Variants in ADAMTSL3 observed in about 807,000 individuals in gnomAD.
ADAMTSL3 encodes the protein ADAMTS-like protein 3.
In ADAMTSL3, 128 loss-of-function variants were observed where a neutral mutation model predicts 201.7. That is an observed-to-expected ratio of 0.63 (90% CI 0.55 to 0.73). The LOEUF is 0.73. Among genes scored for constraint, ADAMTSL3 ranks in the 30% least tolerant of loss-of-function variants. ADAMTSL3 has a pLI of 0.00. For missense variants in ADAMTSL3, 1,990 were observed against 2,119.6 expected (o/e 0.94, Z 1.20); for synonymous variants, 738 against 748.4 (o/e 0.99, Z 0.23).
intron 6 of ADAMTSL3, among the ~76,000 whole-genome samples, chr15:83,822,261 G>T (rs2063890524): frequency 1.4e-5 from 2 of 141,022 alleles, no homozygotes; most frequent in South Asian, 2.4e-4. Context: ...GGGCGGAGGG[G>T]CTCCTCACTT....
chr15:83,685,362 G>A (rs1410139759), intron 2 of ADAMTSL3, among the ~76,000 whole-genome samples: 3 of 152,108 alleles, frequency 2.0e-5, no homozygotes, highest in African/African-American at 7.2e-5. Flanking sequence ...CTCTTGGACA[G>A]CAGGGCTTTT....
At chr15:83,691,570 G>C (rs2061608290) in intron 2 of ADAMTSL3, among the ~76,000 whole-genome samples, 3 of 152,144 alleles carry the variant, frequency 2.0e-5, no homozygotes, top group African/African-American at 7.2e-5. Flanking sequence ...CTACTAATGA[G>C]TCCAATGTTT....
chr15:83,665,522 C>T (rs904402723), intron 2 of ADAMTSL3, among the ~76,000 whole-genome samples: 24 of 152,166 alleles, frequency 1.6e-4, no homozygotes, highest in Non-Finnish European at 8.8e-5. Context: ...GAGGAAAAAA[C>T]CAATTACATG....
At chr15:83,876,952 C>T (rs780745870) in intron 9 of ADAMTSL3, among the ~76,000 whole-genome samples, 23 of 152,130 alleles carry the variant, frequency 1.5e-4, no homozygotes, top group Non-Finnish European at 2.8e-4. Flanking sequence ...GCCACCACAC[C>T]CAGCAAGTTT....
At chr15:83,860,676 G>C (rs1340742437) in intron 8 of ADAMTSL3, among the ~76,000 whole-genome samples, 1 of 152,148 alleles carries the variant, frequency 6.6e-6, no homozygotes, top group Non-Finnish European at 1.5e-5. Context: ...ATAAGTAAAG[G>C]TGAGGGAGGT....
At chr15:83,759,392 A>AT (rs1596154009) in intron 3 of ADAMTSL3, among the ~76,000 whole-genome samples, 1 of 151,856 alleles carries the variant, frequency 6.6e-6, no homozygotes, top group South Asian at 2.1e-4. Flanking sequence ...TGCCCAGCTA[A>AT]TTTTTTGTAT....
At chr15:83,664,548 C>G (rs1003399256) in intron 2 of ADAMTSL3, among the ~76,000 whole-genome samples, 1 of 152,244 alleles carries the variant, frequency 6.6e-6, no homozygotes, top group African/African-American at 2.4e-5. Flanking sequence ...TGTACCTGCC[C>G]TGTACCCATT....
rs767890313 is a variant in ADAMTSL3 at position 83,982,607 on chromosome 15, C to G, written c.2979C>G (p.Leu993=). 6.1e-5 allele frequency: 98 copies of G among 1,614,062 alleles called. No individual in the cohort carries two copies. Among genetic ancestry groups the G allele is most frequent in the Non-Finnish European group, 7.8e-5 (92 of 1,180,052 alleles). ...IAGSAQETVV[L]KLIGTDNRLI... The stretch of plus-strand genomic sequence containing the variant: ...GCTCTGCACAGGAAACAGTTGTGCT[C>G]AAGCTCATTGGTACTGACAACCGGC... Residue 993 remains leucine (L), a synonymous_variant, in exon 21 of 30, where the codon CTC becomes CTG. Coordinates refer to ENST00000286744, the MANE Select transcript of ADAMTSL3 (RefSeq NM_207517.3).
chr15:84,029,787 T>C (rs908026662), intron 27 of ADAMTSL3, among the ~76,000 whole-genome samples: 4 of 152,028 alleles, frequency 2.6e-5, no homozygotes, highest in Admixed American at 6.6e-5. Context: ...CCCTGAGGCA[T>C]AGGAGAAAAA....
chr15:83,754,354 C>T (rs909209036), intron 3 of ADAMTSL3, among the ~76,000 whole-genome samples: 4 of 152,040 alleles, frequency 2.6e-5, no homozygotes, highest in African/African-American at 7.2e-5. Flanking sequence ...AAATATTGCT[C>T]GCAGGAATGC....
chr15:83,761,980 G>A (rs570326212), intron 3 of ADAMTSL3, among the ~76,000 whole-genome samples: 192 of 152,252 alleles, frequency 1.3e-3, no homozygotes, highest in African/African-American at 4.4e-3. Context: ...TGGCACATGT[G>A]ATTCCTCAGA....
chr15:83,875,758 G>A (rs1378054327), intron 9 of ADAMTSL3, among the ~76,000 whole-genome samples: 2 of 151,906 alleles, frequency 1.3e-5, no homozygotes, highest in Non-Finnish European at 2.9e-5. Context: ...ACTCTGGCCG[G>A]GTGACAGAGC....
chr15:83,676,235 A>C (rs942445434), intron 2 of ADAMTSL3, among the ~76,000 whole-genome samples: 2 of 151,504 alleles, frequency 1.3e-5, no homozygotes, highest in African/African-American at 4.9e-5. Flanking sequence ...TAGTGCTATA[A>C]ATTTCTCTCT....
At chr15:83,904,734 T>A (rs937489369) in intron 15 of ADAMTSL3, among the ~76,000 whole-genome samples, 2 of 152,222 alleles carry the variant, frequency 1.3e-5, no homozygotes, top group Non-Finnish European at 2.9e-5. Flanking sequence ...TCTTCGTTTG[T>A]TTCTGTGGGA....
chr15:83,816,013 A>G lies in ADAMTSL3; in HGVS notation c.364-3798A>G, dbSNP rs181019296. Among the ~76,000 whole-genome samples the G allele has an allele frequency of 3.3e-5, 5 of 152,366 alleles. 1 individual carries two copies. Among genetic ancestry groups the G allele is most frequent in the Admixed American group, 2.0e-4 (3 of 15,308 alleles). ...AGTCCACTTAGATTAGCTCAGGACA[A>G]AGGGGATTCACTGGATGGATATGTG... On this transcript the variant is annotated intron_variant, in intron 5 of 29. Coordinates refer to ENST00000286744, the MANE Select transcript of ADAMTSL3 (RefSeq NM_207517.3).
chr15:83,963,777 G>A (rs2067023427), intron 19 of ADAMTSL3, among the ~76,000 whole-genome samples: 2 of 152,198 alleles, frequency 1.3e-5, no homozygotes, highest in African/African-American at 4.8e-5. Context: ...GCATCTGGCA[G>A]GTGCCCCTCT....
Position 83,924,010 on chromosome 15 carries a change from T to C in ADAMTSL3, c.2094T>C (p.Cys698=), listed in dbSNP as rs754221760. 1 of 1,614,076 alleles carries C rather than the reference T, an allele frequency of 6.2e-7. No individual in the cohort carries two copies. The highest frequency in any genetic ancestry group is 1.1e-5 in the South Asian group (1 of 91,080). Residue 698 remains cysteine, a synonymous_variant, in exon 17 of 30, where the codon TGT becomes TGC. Coordinates refer to ENST00000286744, the MANE Select transcript of ADAMTSL3 (RefSeq NM_207517.3). ...VHRPPAMSQA[C]NTEPCPPRWH... Reference sequence around the variant, plus strand: ...GTCCTCCAGCCATGAGCCAGGCCTGTAACACAGAGCCCTGTCCCCCCAGGT... The same window carrying C: ...GTCCTCCAGCCATGAGCCAGGCCTGCAACACAGAGCCCTGTCCCCCCAGGT...
chr15:83,762,562 C>T (rs967761278), intron 3 of ADAMTSL3, among the ~76,000 whole-genome samples: 5 of 152,056 alleles, frequency 3.3e-5, no homozygotes, highest in African/African-American at 4.8e-5. Context: ...CTAGAGGGCA[C>T]GAACGCTATG....
At chr15:83,850,865 G>A (rs561850108) in intron 7 of ADAMTSL3, among the ~76,000 whole-genome samples, 24 of 152,208 alleles carry the variant, frequency 1.6e-4, no homozygotes, top group Non-Finnish European at 3.4e-4. Context: ...TTGCAGGACA[G>A]TGAAGAAATG....
Sources: gnomAD v4.1 joint callset for allele counts (sites outside exome capture counted in the v4.1 genomes callset) on GRCh38, gnomAD v4.1.1 for gene constraint, MANE v1.5 for transcripts, NCBI Gene and HGNC (gene_info 2026-07-23, HGNC 2026-07-21) for gene names.